RABGAP1L: variants seen among roughly 807,000 people sequenced by gnomAD.
RABGAP1L encodes the protein RAB GTPase activating protein 1 like.
RABGAP1L carries 63 observed loss-of-function variants against 137.7 expected under a neutral mutation model. The ratio of observed to expected loss-of-function variants is 0.46; its 90% CI spans 0.37 to 0.56. The LOEUF (loss-of-function observed/expected upper bound fraction) is 0.56, where lower values mean the gene tolerates loss of function less well. RABGAP1L is among the 20% of genes least tolerant of loss of function. RABGAP1L has a pLI of 0.00. For synonymous variants in RABGAP1L, 431 were observed against 433.7 expected (o/e 0.99, Z 0.08); for missense variants, 1,095 against 1,244.0 (o/e 0.88, Z 1.80).
chr1:174,902,308 AG>A (rs1299003287), intron 19 of RABGAP1L, among the ~76,000 whole-genome samples: 2 of 152,128 alleles, frequency 1.3e-5, no homozygotes, highest in Non-Finnish European at 2.9e-5. Flanking sequence ...TGAACCATAG[AG>A]GTGGTGGCTG....
chr1:174,792,533 CA>C (rs1401614492), intron 18 of RABGAP1L, among the ~76,000 whole-genome samples: 1 of 151,996 alleles, frequency 6.6e-6, no homozygotes, highest in African/African-American at 2.4e-5. Flanking sequence ...GCTCTAACCA[CA>C]AAAGGAAAAA....
At chr1:174,519,296 C>CTG (rs1663157587) in intron 13 of RABGAP1L, among the ~76,000 whole-genome samples, 1 of 151,904 alleles carries the variant, frequency 6.6e-6, no homozygotes, top group Non-Finnish European at 1.5e-5. Flanking sequence ...CCACAACAGG[C>CTG]TGTCTGCAAG....
chr1:174,211,014 G>A (rs1177586491), intron 1 of RABGAP1L, among the ~76,000 whole-genome samples: 1 of 152,144 alleles, frequency 6.6e-6, no homozygotes, highest in African/African-American at 2.4e-5. Context: ...AAACATGAAG[G>A]AGAAGTAAAG....
At chr1:174,317,907 A>G (rs1014630834) in intron 11 of RABGAP1L, among the ~76,000 whole-genome samples, 5 of 152,048 alleles carry the variant, frequency 3.3e-5, no homozygotes, top group Non-Finnish European at 5.9e-5. Flanking sequence ...AGGTTTTGCT[A>G]TCTCCTCTAA....
chr1:174,191,127 T>C (rs1290073451), intron 1 of RABGAP1L, among the ~76,000 whole-genome samples: 1 of 152,074 alleles, frequency 6.6e-6, no homozygotes. Flanking sequence ...AAAAGCACAA[T>C]AAAGTGAAGC....
chr1:174,583,943 A>T (rs1668927219), intron 13 of RABGAP1L, among the ~76,000 whole-genome samples: 1 of 152,178 alleles, frequency 6.6e-6, no homozygotes, highest in Non-Finnish European at 1.5e-5. Flanking sequence ...GCTTGGCGAC[A>T]TTGAGTAACT....
chr1:174,515,067 G>A (rs1223348414), intron 13 of RABGAP1L, among the ~76,000 whole-genome samples: 1 of 151,918 alleles, frequency 6.6e-6, no homozygotes, highest in Admixed American at 6.6e-5. Context: ...AATTGAAGAA[G>A]AGTGTATATT....
intron 17 of RABGAP1L, among the ~76,000 whole-genome samples, chr1:174,726,667 T>C (rs1682012195): frequency 6.6e-6 from 1 of 152,182 alleles, no homozygotes; most frequent in Non-Finnish European, 1.5e-5. Context: ...GTTAGCTTGA[T>C]TTTTCTGACT....
chr1:174,867,900 C>T (rs1347580180), intron 19 of RABGAP1L, among the ~76,000 whole-genome samples: 2 of 152,136 alleles, frequency 1.3e-5, no homozygotes, highest in African/African-American at 4.8e-5. Context: ...CCATCTCGGC[C>T]TCCCAAAGTG....
At chr1:174,616,728 A>T (rs1455951522) in intron 13 of RABGAP1L, among the ~76,000 whole-genome samples, 2 of 152,222 alleles carry the variant, frequency 1.3e-5, no homozygotes, top group African/African-American at 4.8e-5. Context: ...GACTATGTGG[A>T]TAATTCTGAA....
chr1:174,595,542 G>C (rs1230528811), intron 13 of RABGAP1L, among the ~76,000 whole-genome samples: 1 of 119,708 alleles, frequency 8.4e-6, no homozygotes, highest in Admixed American at 8.6e-5. Flanking sequence ...CGGTGTAGAT[G>C]TCCTTTCTGG....
chr1:174,973,177 T>C (rs2149371189), intron 21 of RABGAP1L, among the ~76,000 whole-genome samples: 1 of 152,282 alleles, frequency 6.6e-6, no homozygotes, highest in African/African-American at 2.4e-5. Context: ...CTCTTCCCTA[T>C]AGGACCCACA....
chr1:174,490,211 T>C (rs180802594), intron 13 of RABGAP1L, among the ~76,000 whole-genome samples: 1 of 152,244 alleles, frequency 6.6e-6, no homozygotes, highest in Non-Finnish European at 1.5e-5. Flanking sequence ...CTGGGCTTAT[T>C]TGTAACGGTC....
intron 11 of RABGAP1L, among the ~76,000 whole-genome samples, chr1:174,340,940 T>G (rs1681921698): frequency 6.6e-6 from 1 of 152,162 alleles, no homozygotes; most frequent in Admixed American, 6.6e-5. Flanking sequence ...TTTCTTGACT[T>G]TTAAATAATC....
At chr1:174,918,018 G>A (rs1661166456) in intron 19 of RABGAP1L, among the ~76,000 whole-genome samples, 1 of 151,668 alleles carries the variant, frequency 6.6e-6, no homozygotes, top group Non-Finnish European at 1.5e-5. Context: ...TAAGTTGTCT[G>A]TAACCAGAAA....
At chr1:174,622,274 A>G (rs1265722989) in intron 13 of RABGAP1L, among the ~76,000 whole-genome samples, 4 of 152,230 alleles carry the variant, frequency 2.6e-5, no homozygotes, top group African/African-American at 9.6e-5. Context: ...AACTAGTTCA[A>G]CCATTGTGGA....
chr1:174,923,735 G>C (rs1016822561), intron 19 of RABGAP1L, among the ~76,000 whole-genome samples: 1 of 152,004 alleles, frequency 6.6e-6, no homozygotes, highest in Non-Finnish European at 1.5e-5. Flanking sequence ...ACAAAAATTA[G>C]CTGAGTGTGG....
At chr1:174,703,668 G>A (rs1156915736) in intron 17 of RABGAP1L, among the ~76,000 whole-genome samples, 1 of 152,132 alleles carries the variant, frequency 6.6e-6, no homozygotes, top group African/African-American at 2.4e-5. Context: ...TTTCCATACT[G>A]TTTTCCATAG....
intron 1 of RABGAP1L, among the ~76,000 whole-genome samples, chr1:174,190,258 A>G (rs907780520): frequency 6.7e-6 from 1 of 149,288 alleles, no homozygotes; most frequent in Non-Finnish European, 1.5e-5. Flanking sequence ...AGCCAAGATC[A>G]CACCACTGCA....
Sources: allele counts gnomAD v4.1 joint callset (sites outside exome capture counted in the v4.1 genomes callset), GRCh38; gene constraint gnomAD v4.1.1; transcripts MANE v1.5; gene names NCBI Gene and HGNC (gene_info 2026-07-23, HGNC 2026-07-21).